MEGF6: variants seen among roughly 807,000 people sequenced by gnomAD.
MEGF6 encodes the protein multiple epidermal growth factor-like domains protein 6.
In MEGF6, 184 loss-of-function variants were observed where a neutral mutation model predicts 207.1. The ratio of observed to expected loss-of-function variants is 0.89; its 90% CI spans 0.79 to 1.00. The LOEUF (loss-of-function observed/expected upper bound fraction) is 1.00. MEGF6 is among the 50% of genes least tolerant of loss of function. MEGF6 has a pLI of 0.00. For synonymous variants in MEGF6, 1,038 were observed against 910.0 expected (o/e 1.14, Z -2.53); for missense variants, 2,282 against 2,202.9 (o/e 1.04, Z -0.72).
intron 5 of MEGF6, among the ~76,000 whole-genome samples, chr1:3,519,499 C>T (rs1641665802): frequency 6.6e-6 from 1 of 152,382 alleles, no homozygotes; most frequent in South Asian, 2.1e-4. Flanking sequence ...AGCGTCAGCT[C>T]CGACCTGCCC....
rs61746904 is a variant in MEGF6, at chr1:3,494,378, G to A, written c.4122C>T (p.Cys1374=). Residue 1374 remains cysteine, a synonymous_variant, in exon 32 of 37, where the codon TGC becomes TGT. Coordinates refer to ENST00000356575, the MANE Select transcript of MEGF6 (RefSeq NM_001409.4). The part of the protein sequence containing the change: ...RCGPGFYGQA[C]EHPCPPGFHG... ...CACAGGCCCCCAACTCACGGTGCTC[G>A]CAGGCCTGGCCATAGAAGCCGGGGC... The A allele has an allele frequency of 1.7e-3, 2,681 of 1,543,176 alleles. 8 individuals carry two copies. The highest frequency in any genetic ancestry group is 2.0e-3 in the Non-Finnish European group (2,324 of 1,148,728).
intron 4 of MEGF6, among the ~76,000 whole-genome samples, chr1:3,578,732 C>T (rs904054926): frequency 9.6e-5 from 11 of 114,502 alleles, no homozygotes; most frequent in African/African-American, 2.8e-4. Flanking sequence ...ATGGCCAATG[C>T]CCCAGGCTGC....
chr1:3,492,216 GAC>G (rs897248335), intron 35 of MEGF6, among the ~76,000 whole-genome samples: 10 of 152,118 alleles, frequency 6.6e-5, no homozygotes, highest in Non-Finnish European at 1.3e-4. Context: ...TGCGTGCACA[GAC>G]ACACCCTCAC....
At chr1:3,523,903 G>A (rs1641859900) in intron 5 of MEGF6, among the ~76,000 whole-genome samples, 1 of 152,220 alleles carries the variant, frequency 6.6e-6, no homozygotes. Flanking sequence ...AGGGTCCTGG[G>A]GACCTGGCAA....
intron 10 of MEGF6, among the ~76,000 whole-genome samples, chr1:3,510,531 A>G (rs1368078015): frequency 7.2e-6 from 1 of 138,736 alleles, no homozygotes; most frequent in Non-Finnish European, 1.5e-5. Flanking sequence ...TGCTCAACCA[A>G]CGCCCACAGC....
chr1:3,593,209 CTG>C (rs1395665879), intron 3 of MEGF6, among the ~76,000 whole-genome samples: 3 of 152,170 alleles, frequency 2.0e-5, no homozygotes, highest in East Asian at 3.9e-4. Flanking sequence ...CATCGAGACA[CTG>C]AGATCCCCAC....
intron 4 of MEGF6, chr1:3,531,514 C>G: frequency 9.6e-7 from 1 of 1,040,848 alleles, no homozygotes; most frequent in Non-Finnish European, 1.2e-6. Context: ...GCCCCCGGCC[C>G]CGCCCCGAGC....
At position 3,611,394 on chromosome 1, in the gene MEGF6, A is replaced by T; in HGVS notation, c.-126T>A. 8.0e-7 allele frequency: 1 copy of T among 1,249,466 alleles called. No homozygotes were observed. Among genetic ancestry groups the T allele is most frequent in the Non-Finnish European group, 1.0e-6 (1 of 972,838 alleles). 77.4% of individuals were successfully genotyped at this position (1,249,466 alleles called of 1,614,324 possible). On this transcript the variant is annotated 5_prime_UTR_variant, in exon 1 of 37. It adds an upstream start codon to the 5' untranslated region. Transcript: ENST00000356575. ...GCCCGCGCCCGCTCCGCGGAGCCCA[A>T]GGTCGCTGCAGGTGCGGAGCGTCCC...
chr1:3,516,504 TCA>T (rs1436138051), intron 5 of MEGF6, among the ~76,000 whole-genome samples: 2 of 152,194 alleles, frequency 1.3e-5, no homozygotes, highest in African/African-American at 4.8e-5. Flanking sequence ...CGAGACTCTC[TCA>T]GAGTGGGGAG....
In MEGF6 at chr1:3,505,293, G is replaced by A. The variant is rs765281697; in HGVS notation, c.2103C>T (p.Cys701=). ...FGPGCWQACT[C]PVGVACDSVS... The stretch of plus-strand genomic sequence containing the variant: ...CGGAGTCACAGGCCACGCCCACTGG[G>A]CAGGTGCATGCCTGCCAGCACCCCG... Residue 701 remains cysteine, a synonymous_variant, in exon 17 of 37, where the codon TGC becomes TGT. Transcript: ENST00000356575. 9 of 1,612,258 alleles carry A rather than the reference G, an allele frequency of 5.6e-6. No individual in the cohort carries two copies. The Admixed American group carries it at 1.5e-4, about 27-fold the overall frequency.
intron 4 of MEGF6, among the ~76,000 whole-genome samples, chr1:3,533,090 C>G (rs1185178805): frequency 6.6e-6 from 1 of 152,242 alleles, no homozygotes; most frequent in Non-Finnish European, 1.5e-5. Flanking sequence ...GAGACCCACC[C>G]CTCAGAAGCC....
At chr1:3,569,183 G>C (rs553895656) in intron 4 of MEGF6, among the ~76,000 whole-genome samples, 1 of 152,220 alleles carries the variant, frequency 6.6e-6, no homozygotes. Context: ...GGGGGAGACC[G>C]AGGCTCCTTC....
At chr1:3,514,028 C>A (rs1230534333) in intron 7 of MEGF6, among the ~76,000 whole-genome samples, 1 of 151,998 alleles carries the variant, frequency 6.6e-6, no homozygotes, top group African/African-American at 2.4e-5. Flanking sequence ...GCGGGCGGAT[C>A]ACAAGGTCAG....
At chr1:3,581,549 G>C (rs1643798784) in intron 3 of MEGF6, among the ~76,000 whole-genome samples, 1 of 152,214 alleles carries the variant, frequency 6.6e-6, no homozygotes, top group Non-Finnish European at 1.5e-5. Context: ...TGTCCCAAGT[G>C]TTGAGGCCTG....
intron 4 of MEGF6, among the ~76,000 whole-genome samples, chr1:3,575,359 T>C (rs1643612148): frequency 6.6e-6 from 1 of 152,130 alleles, no homozygotes; most frequent in Non-Finnish European, 1.5e-5. Context: ...AGGGGGTCTT[T>C]AGAGTCCCCC....
At chr1:3,494,993 G>A (rs1232509619) in intron 30 of MEGF6, among the ~76,000 whole-genome samples, 1 of 152,208 alleles carries the variant, frequency 6.6e-6, no homozygotes, top group Non-Finnish European at 1.5e-5. Flanking sequence ...AAGGGGCTGG[G>A]TGAGCGCCTG....
At position 3,509,862 on chromosome 1, in the gene MEGF6, A is replaced by C. The variant is rs1353575579; in HGVS notation, c.1357+8T>G. 4 of 1,550,118 alleles carry C rather than the reference A, an allele frequency of 2.6e-6. No individual in the cohort carries two copies. In the East Asian group the frequency reaches 9.6e-5, roughly 37 times the overall value. ...AGGCCGGTGCTCCGCGGAGGGCGGG[A>C]GACTCACGGCTGCAGCCCCTACGGT... is the stretch of plus-strand genomic sequence containing the variant. On this transcript the variant is annotated splice_region_variant and intron_variant, in intron 11 of 36. Coordinates refer to ENST00000356575, the MANE Select transcript of MEGF6 (RefSeq NM_001409.4).
chr1:3,607,685 G>C (rs954543186), intron 1 of MEGF6, among the ~76,000 whole-genome samples: 1 of 152,234 alleles, frequency 6.6e-6, no homozygotes, highest in Non-Finnish European at 1.5e-5. Context: ...CCTTTGACAG[G>C]ACCAGAGTCC....
Position 3,507,158 on chromosome 1 carries a change from G to A in MEGF6, c.1789+637C>T, listed in dbSNP as rs1036350785. ...CAGCCCTGCAGAGCCCAGCACATAC[G>A]GCCAGGAAAGCTCACGGGGCCACCT... On this transcript the variant is annotated intron_variant, in intron 14 of 36. Coordinates refer to ENST00000356575, the MANE Select transcript of MEGF6 (RefSeq NM_001409.4). Among the ~76,000 whole-genome samples the A allele has an allele frequency of 5.3e-5, 8 of 152,340 alleles. 1 individual carries two copies. Among genetic ancestry groups the A allele is most frequent in the Non-Finnish European group, 5.9e-5 (4 of 68,028 alleles).
Sources: gnomAD v4.1 joint callset for allele counts (sites outside exome capture counted in the v4.1 genomes callset) on GRCh38, gnomAD v4.1.1 for gene constraint, MANE v1.5 for transcripts, NCBI Gene and HGNC (gene_info 2026-07-23, HGNC 2026-07-21) for gene names.